Variants in FAT3 observed in about 807,000 individuals in gnomAD.
The protein encoded by FAT3 is FAT atypical cadherin 3, also known as protocadherin Fat 3.
FAT3 carries 95 observed loss-of-function variants against 310.2 expected under a neutral mutation model. The observed-to-expected ratio is 0.31, with a 90% CI of 0.26 to 0.36. The LOEUF (loss-of-function observed/expected upper bound fraction) is 0.36. FAT3 is among the 10% of genes least tolerant of loss of function. FAT3 has a pLI of 1.00. For missense variants in FAT3, 5,408 were observed against 5,715.6 expected (o/e 0.95, Z 1.74); for synonymous variants, 2,314 against 2,192.9 (o/e 1.06, Z -1.54).
chr11:92,729,609 T>A (rs1487959582), intron 4 of FAT3, among the ~76,000 whole-genome samples: 2 of 151,854 alleles, frequency 1.3e-5, no homozygotes, highest in African/African-American at 4.8e-5. Flanking sequence ...TGTATTTTAG[T>A]AGAGACTGGG....
At chr11:92,622,754 G>T (rs547732790) in intron 3 of FAT3, among the ~76,000 whole-genome samples, 1 of 152,140 alleles carries the variant, frequency 6.6e-6, no homozygotes, top group African/African-American at 2.4e-5. Context: ...GTTCTCATTT[G>T]TGCTCTAGTA....
chr11:92,792,584 G>T (rs116655573), intron 8 of FAT3, among the ~76,000 whole-genome samples, 183 bp from the exon 9 acceptor site: 2 of 152,146 alleles, frequency 1.3e-5, no homozygotes, highest in Non-Finnish European at 2.9e-5. Context: ...CCCTGCTCAC[G>T]ATTTGCTCAC....
chr11:92,750,883 C>T (rs1271488088), intron 4 of FAT3, among the ~76,000 whole-genome samples: 1 of 152,212 alleles, frequency 6.6e-6, no homozygotes, highest in Non-Finnish European at 1.5e-5. Context: ...AGAAGTACGC[C>T]TAGACAGTGG....
chr11:92,544,441 T>A (rs748977836), intron 3 of FAT3, among the ~76,000 whole-genome samples: 2 of 152,200 alleles, frequency 1.3e-5, no homozygotes, highest in Non-Finnish European at 2.9e-5. Context: ...CTTGATTATA[T>A]GAATGCTTCA....
At chr11:92,397,136 C>T (rs1171063106) in intron 2 of FAT3, among the ~76,000 whole-genome samples, 1 of 152,132 alleles carries the variant, frequency 6.6e-6, no homozygotes, top group African/African-American at 2.4e-5. Context: ...CTTGTGCCAC[C>T]AATGTGTGCT....
At chr11:92,488,957 A>G (rs887408094) in intron 2 of FAT3, among the ~76,000 whole-genome samples, 1 of 152,162 alleles carries the variant, frequency 6.6e-6, no homozygotes, top group Non-Finnish European at 1.5e-5. Flanking sequence ...GAAAGTTAAT[A>G]TCTTCCATAT....
chr11:92,248,085 A>T (rs1864994575), intron 1 of FAT3, among the ~76,000 whole-genome samples: 1 of 152,172 alleles, frequency 6.6e-6, no homozygotes, highest in Non-Finnish European at 1.5e-5. Flanking sequence ...TGGTTTCCCC[A>T]TAGAGGATTC....
chr11:92,706,354 C>A (rs1944352424), intron 4 of FAT3, among the ~76,000 whole-genome samples: 1 of 152,132 alleles, frequency 6.6e-6, no homozygotes, highest in South Asian at 2.1e-4. Context: ...ACAGAGATTA[C>A]AAGATGCCAT....
intron 3 of FAT3, among the ~76,000 whole-genome samples, chr11:92,555,348 C>T (rs940096606): frequency 4.6e-5 from 7 of 152,192 alleles, no homozygotes; most frequent in Non-Finnish European, 7.3e-5. Context: ...TATTATGTAA[C>T]TTTGCATTGG....
At chr11:92,365,056 T>TG (rs1948982085) in intron 2 of FAT3, among the ~76,000 whole-genome samples, 1 of 152,114 alleles carries the variant, frequency 6.6e-6, no homozygotes, top group South Asian at 2.1e-4. Flanking sequence ...TTCCAGGAGT[T>TG]CATGACTAGC....
intron 2 of FAT3, among the ~76,000 whole-genome samples, chr11:92,452,035 A>G (rs1951366969): frequency 6.6e-6 from 1 of 152,310 alleles, no homozygotes; most frequent in South Asian, 2.1e-4. Flanking sequence ...TTATACATAG[A>G]TAGGCAGATA....
intron 1 of FAT3, among the ~76,000 whole-genome samples, chr11:92,333,537 G>A (rs1947973107): frequency 4.6e-5 from 7 of 152,098 alleles, no homozygotes; most frequent in Admixed American, 4.6e-4. Flanking sequence ...CTCTATACAA[G>A]TGTGTTTTCT....
At chr11:92,825,824 G>A (rs1457027976) in intron 13 of FAT3, among the ~76,000 whole-genome samples, 2 of 152,030 alleles carry the variant, frequency 1.3e-5, no homozygotes, top group Admixed American at 6.5e-5. Context: ...TTGCAATTAG[G>A]AGTCCCTTAA....
chr11:92,310,577 G>A (rs138911226), intron 1 of FAT3, among the ~76,000 whole-genome samples: 5 of 152,068 alleles, frequency 3.3e-5, no homozygotes, highest in African/African-American at 1.2e-4. Context: ...TTGTTACATG[G>A]ATATAATGTG....
At chr11:92,840,788 G>A (rs760289642) in intron 18 of FAT3, 29 bp downstream of exon 18, 1 of 1,492,630 alleles carries the variant, frequency 6.7e-7, no homozygotes, top group Non-Finnish European at 9.0e-7. Context: ...TCTCCGTCGT[G>A]CTGTCTTTCT....
chr11:92,840,471 T>C (rs1388893432), intron 17 of FAT3, 91 bp from the exon 18 acceptor site: 2 of 1,185,032 alleles, frequency 1.7e-6, no homozygotes, highest in Admixed American at 2.8e-5. Flanking sequence ...CCTGAAATGA[T>C]GGTATTTTTG....
chr11:92,489,911 C>T (rs1219979509), intron 2 of FAT3, among the ~76,000 whole-genome samples: 2 of 150,302 alleles, frequency 1.3e-5, no homozygotes, highest in African/African-American at 2.5e-5. Context: ...TTACTTTCTC[C>T]CATGAGCAGC....
intron 1 of FAT3, among the ~76,000 whole-genome samples, chr11:92,253,080 G>A (rs1455601823): frequency 6.6e-6 from 1 of 151,898 alleles, no homozygotes; most frequent in Non-Finnish European, 1.5e-5. Flanking sequence ...TCCTTTTACT[G>A]CTGCCTTTTG....
intron 4 of FAT3, among the ~76,000 whole-genome samples, chr11:92,732,805 A>G (rs1220204203): frequency 2.0e-5 from 3 of 152,244 alleles, no homozygotes; most frequent in Non-Finnish European, 4.4e-5. Context: ...CTAGAGGTTA[A>G]GCACTGGGGA....
Sources: gnomAD v4.1 joint callset for allele counts (sites outside exome capture counted in the v4.1 genomes callset) on GRCh38, gnomAD v4.1.1 for gene constraint, MANE v1.5 for transcripts, NCBI Gene and HGNC (gene_info 2026-07-23, HGNC 2026-07-21) for gene names.